LAMB4: variants seen among roughly 807,000 people sequenced by gnomAD.
The protein encoded by LAMB4 is laminin subunit beta-4.
A neutral mutation model predicts 199.2 loss-of-function variants in LAMB4; 196 were observed. The observed-to-expected ratio is 0.98, with a 90% confidence interval of 0.88 to 1.11. The LOEUF is 1.11. Ranked by LOEUF, LAMB4 falls within the 50% of genes least tolerant of loss-of-function variation. The probability of loss-of-function intolerance (pLI) is 0.00; values close to 1 mark genes in which losing one functional copy is unlikely to be tolerated. For missense variants in LAMB4, 2,080 were observed against 2,171.2 expected, an observed-to-expected ratio of 0.96 and a Z score of 0.83; for synonymous variants, 744 against 770.6, an observed-to-expected ratio of 0.97 and a Z score of 0.57.
chr7:108,015,473 G>A, the LAMB4 span, among the ~76,000 whole-genome samples: 1 of 152,088 alleles, frequency 6.6e-6, no homozygotes, highest in Non-Finnish European at 1.5e-5. Context: ...AGAAAATTTT[G>A]ACTTAAATTG....
intron 16 of LAMB4, among the ~76,000 whole-genome samples, chr7:108,077,992 C>T (rs146251228): frequency 1.1e-3 from 164 of 152,260 alleles, no homozygotes; most frequent in African/African-American, 3.6e-3. Flanking sequence ...CTTCATCTAA[C>T]GAAGACAAAA....
downstream of LAMB4, among the ~76,000 whole-genome samples, chr7:108,020,859 T>C (rs1281938283): frequency 6.6e-6 from 1 of 152,222 alleles, no homozygotes; most frequent in African/African-American, 2.4e-5. Flanking sequence ...TACCCAGCTA[T>C]TTCAAGCTGT....
At chr7:108,074,197 T>A (rs1021647998) in intron 17 of LAMB4, among the ~76,000 whole-genome samples, 4 of 152,148 alleles carry the variant, frequency 2.6e-5, no homozygotes, top group Admixed American at 2.6e-4. Context: ...AGTCCCTGTC[T>A]CAGCTTTTGC....
intron 2 of LAMB4, among the ~76,000 whole-genome samples, chr7:108,116,788 C>A (rs2038422890): frequency 6.6e-6 from 1 of 152,174 alleles, no homozygotes; most frequent in Non-Finnish European, 1.5e-5. Context: ...CATCTCAGCA[C>A]TTGGGAGACT....
Position 108,024,047 on chromosome 7 carries a change from A to G in LAMB4, c.5278T>C (p.Tyr1760His). 1 of 1,608,018 alleles carries G rather than the reference A, an allele frequency of 6.2e-7. No homozygotes were observed. Among genetic ancestry groups the G allele is most frequent in the Non-Finnish European group, 8.5e-7 (1 of 1,178,326 alleles). Residue 1760 changes from tyrosine to histidine, a missense_variant, in exon 34 of 34, where the codon TAT (tyrosine) becomes CAT (histidine). Transcript: ENST00000388781. The part of the protein sequence containing the change: ...VEQEKKYARC[Y>H]S ...TTGCTCTTTAACTCTGCCTAGCTAT[A>G]GCACCTAGCATATTTTTTTTCTTGT... is the stretch of plus-strand genomic sequence containing the variant.
At chr7:108,103,305 C>T (rs574002382) in intron 9 of LAMB4, 73 bp from the exon 10 acceptor site, 1 of 1,256,064 alleles carries the variant, frequency 8.0e-7, no homozygotes, top group Admixed American at 2.4e-5. Context: ...CCGCACTGGT[C>T]AGGGCACCCG....
downstream of LAMB4, among the ~76,000 whole-genome samples, chr7:108,020,355 C>G (rs536862160): frequency 6.6e-6 from 1 of 151,404 alleles, no homozygotes; most frequent in South Asian, 2.1e-4. Flanking sequence ...CCTGTAATCC[C>G]AGCTACTCGG....
rs780962576 is a variant in LAMB4, at chr7:108,126,554, C to CCTTTTTTTTT, written c.-33-3358_-33-3357insAAAAAAAAAG. ...TTGTAGGATGTGTCAGAATTTCTTT[C>CCTTTTTTTTT]TTTTTTTTTTTTTTTTTTTTTGAGA... is the stretch of plus-strand genomic sequence containing the variant. On this transcript the variant is annotated intron_variant, in intron 1 of 33. Transcript: ENST00000388781. 3.8e-4 allele frequency among the ~76,000 whole-genome samples: 32 copies of CCTTTTTTTTT among 83,534 alleles called. 2 individuals are homozygous for CCTTTTTTTTT. Among genetic ancestry groups the CCTTTTTTTTT allele is most frequent in the African/African-American group, 1.5e-3 (30 of 19,836 alleles). The allele number at this position is 83,534 out of a possible 152,430, so 54.8% of individuals were successfully genotyped here.
chr7:108,122,823 C>T (rs7784765), intron 2 of LAMB4, among the ~76,000 whole-genome samples: 19,385 of 152,128 alleles, frequency 0.13, 3,991 homozygotes, highest in African/African-American at 0.43. Context: ...ATTGAAAGCA[C>T]AGCTATTAAA....
chr7:108,091,362 G>C (rs898647002), intron 14 of LAMB4, among the ~76,000 whole-genome samples: 1 of 152,164 alleles, frequency 6.6e-6, no homozygotes, highest in Non-Finnish European at 1.5e-5. Flanking sequence ...CAAAAGTAAA[G>C]TCTGTTTCAT....
At position 108,065,756 on chromosome 7, in the gene LAMB4, G is replaced by T; in HGVS notation, c.2836+6C>A. On this transcript the variant is annotated splice_donor_region_variant and intron_variant, in intron 21 of 33. Transcript: ENST00000388781. ...AAAAAATTGCATCAAGCACTATACT[G>T]CATACCCGTATAACCTTGAAGACAA... The T allele has an allele frequency of 1.9e-6, 3 of 1,612,792 alleles. No individual in the cohort carries two copies. Among genetic ancestry groups the T allele is most frequent in the Non-Finnish European group, 2.5e-6 (3 of 1,179,076 alleles).
At chr7:108,126,332 C>T (rs2038777074) in intron 1 of LAMB4, among the ~76,000 whole-genome samples, 1 of 152,118 alleles carries the variant, frequency 6.6e-6, no homozygotes, top group Non-Finnish European at 1.5e-5. Context: ...CACTTTTCAT[C>T]TTGCAAAGTT....
At chr7:108,026,683 A>T (rs1171625780) in intron 33 of LAMB4, 1 of 242,444 alleles carries the variant, frequency 4.1e-6, no homozygotes, top group Non-Finnish European at 8.3e-6. Context: ...TCTTGCTGGG[A>T]CCCCGACTGA....
At chr7:108,055,598 G>C in intron 25 of LAMB4, 34 bp downstream of exon 25, 2 of 1,582,158 alleles carry the variant, frequency 1.3e-6, no homozygotes, top group Non-Finnish European at 1.7e-6. Flanking sequence ...TAAATCAGGA[G>C]TTTGGCTGTC....
At chr7:108,123,671 G>A (rs2038677989) in intron 1 of LAMB4, among the ~76,000 whole-genome samples, 1 of 152,148 alleles carries the variant, frequency 6.6e-6, no homozygotes, top group South Asian at 2.1e-4. Context: ...TGGGGATGGA[G>A]GGAGGCCCCT....
At chr7:108,112,007 A>G (rs1307557004) in intron 3 of LAMB4, 61 bp from the exon 4 acceptor site, 22 of 1,389,420 alleles carry the variant, frequency 1.6e-5, no homozygotes, top group Non-Finnish European at 2.0e-5. Context: ...GTTGGGCTAA[A>G]TTAAAGGCAA....
At chr7:108,107,135 G>A (rs1460918941) in intron 6 of LAMB4, among the ~76,000 whole-genome samples, 1 of 152,198 alleles carries the variant, frequency 6.6e-6, no homozygotes, top group African/African-American at 2.4e-5. Context: ...GGATTTGGTG[G>A]TGAACTCTGG....
intron 4 of LAMB4, among the ~76,000 whole-genome samples, chr7:108,110,921 A>G (rs1223401800): frequency 6.6e-6 from 1 of 151,906 alleles, no homozygotes; most frequent in Non-Finnish European, 1.5e-5. Flanking sequence ...GCCCTAAACT[A>G]TCTTATATAT....
In LAMB4 at chr7:108,043,894, G is replaced by T. The variant is rs759845181; in HGVS notation, c.4329C>A (p.Ile1443=). ...DKQVRGLKNQ[I]ESISEQAEVS... ...CTTCTGCCTGTTCACTTATACTTTC[G>T]ATCTGGAATGAGAAAAACACAATGA... Residue 1443 remains isoleucine (I), a splice_region_variant and synonymous_variant, in exon 29 of 34, where the codon ATC becomes ATA. Transcript: ENST00000388781. The T allele has an allele frequency of 1.6e-5, 26 of 1,595,802 alleles. No individual in the cohort carries two copies. The South Asian group carries it at 2.9e-4, about 18-fold the overall frequency.
Sources: gnomAD v4.1 joint callset for allele counts (sites outside exome capture counted in the v4.1 genomes callset) on GRCh38, gnomAD v4.1.1 for gene constraint, MANE v1.5 for transcripts, NCBI Gene and HGNC (gene_info 2026-07-23, HGNC 2026-07-21) for gene names.